The following KLF17 variants were observed in gnomAD, a reference collection of about 807,000 sequenced individuals.
The protein encoded by KLF17 is KLF transcription factor 17.
A neutral mutation model predicts 34.2 loss-of-function variants in KLF17; 31 were observed. The ratio of observed to expected loss-of-function variants is 0.91; its 90% CI spans 0.68 to 1.22. The LOEUF is 1.22. Among genes scored for constraint, KLF17 ranks in the 50% most tolerant of loss-of-function variants. The pLI is 0.00. For synonymous variants in KLF17, 179 were observed against 186.7 expected (o/e 0.96, Z 0.34); for missense variants, 478 against 505.2 (o/e 0.95, Z 0.52).
chr1:44,055,853 A>G, the KLF17 span, among the ~76,000 whole-genome samples: 1 of 152,228 alleles, frequency 6.6e-6, no homozygotes, highest in East Asian at 1.9e-4. Flanking sequence ...TTACCTGTAA[A>G]GAAGCCAAAT....
chr1:44,056,125 ATCTCTTCTGC>A, the KLF17 span, among the ~76,000 whole-genome samples: 1 of 152,216 alleles, frequency 6.6e-6, no homozygotes, highest in Non-Finnish European at 1.5e-5. Context: ...GACAGTCTCC[ATCTCTTCTGC>A]AATGCATTAG....
chr1:44,081,465 G>C, the KLF17 span, among the ~76,000 whole-genome samples: 1 of 149,554 alleles, frequency 6.7e-6, no homozygotes, highest in Admixed American at 6.7e-5. Flanking sequence ...ACCCAGGCTG[G>C]AGTCCAGTGG....
the KLF17 span, among the ~76,000 whole-genome samples, chr1:44,096,244 G>C: frequency 1.3e-5 from 2 of 151,530 alleles, no homozygotes; most frequent in African/African-American, 4.9e-5. Flanking sequence ...ACCTGGCCTT[G>C]GTGGTCTTTA....
At chr1:44,131,920 C>T (rs2088115463) in intron 3 of KLF17, among the ~76,000 whole-genome samples, 3 of 152,112 alleles carry the variant, frequency 2.0e-5, no homozygotes, top group Admixed American at 6.5e-5. Flanking sequence ...ATCTCAAACT[C>T]CTGGCTTCAA....
chr1:44,130,218 G>A (rs374542184), intron 2 of KLF17, 22 bp downstream of exon 2: 1,164 of 1,591,390 alleles, frequency 7.3e-4, no homozygotes, highest in Non-Finnish European at 9.5e-4. Context: ...GTCAGGTGGG[G>A]TGGGGATGGA....
upstream of KLF17, chr1:44,115,652 A>G (rs1334301980): frequency 6.6e-6 from 1 of 152,172 alleles, no homozygotes; most frequent in Non-Finnish European, 1.5e-5. Flanking sequence ...TTAAAATGAA[A>G]GATGAATAAA....
At chr1:44,116,340 C>T (rs2087879461), upstream of KLF17, among the ~76,000 whole-genome samples, 1 of 152,122 alleles carries the variant, frequency 6.6e-6, no homozygotes, top group South Asian at 2.1e-4. Flanking sequence ...AGCAAATGTC[C>T]CTGCTCTCAC....
At chr1:44,104,917 G>A in the KLF17 span, 1 of 156,154 alleles carries the variant, frequency 6.4e-6, no homozygotes, top group Non-Finnish European at 1.4e-5. Context: ...CAAAACCTAG[G>A]CAGCATAGCC....
chr1:44,132,371 C>G (rs2088121939), intron 3 of KLF17, among the ~76,000 whole-genome samples: 1 of 152,028 alleles, frequency 6.6e-6, no homozygotes, highest in African/African-American at 2.4e-5. Flanking sequence ...AATCAATTCC[C>G]CCTTTTCCCC....
chr1:44,127,699 T>G (rs1432847628), intron 1 of KLF17, among the ~76,000 whole-genome samples: 1 of 138,356 alleles, frequency 7.2e-6, no homozygotes, highest in Non-Finnish European at 1.5e-5. Flanking sequence ...TCTTTTTCTT[T>G]CTTTCTTTCT....
the KLF17 span, among the ~76,000 whole-genome samples, chr1:44,070,408 C>T: frequency 6.6e-6 from 1 of 152,054 alleles, no homozygotes; most frequent in Admixed American, 6.6e-5. Context: ...CACATGTACA[C>T]ATTATTTAGC....
chr1:44,050,326 A>C, the KLF17 span, among the ~76,000 whole-genome samples: 5 of 152,226 alleles, frequency 3.3e-5, no homozygotes, highest in Admixed American at 6.5e-5. Context: ...TGAAAGGGGA[A>C]GAGGCAAAAG....
the KLF17 span, among the ~76,000 whole-genome samples, chr1:44,102,066 A>T: frequency 1.5e-4 from 19 of 122,694 alleles, no homozygotes; most frequent in Non-Finnish European, 3.2e-4. Flanking sequence ...AACAAACAAA[A>T]GAGTGGAAGT....
At chr1:44,090,767 T>C in the KLF17 span, among the ~76,000 whole-genome samples, 40 of 151,962 alleles carry the variant, frequency 2.6e-4, no homozygotes, top group African/African-American at 9.2e-4. Flanking sequence ...AGGCACACTT[T>C]GAAGATTAGG....
At chr1:44,067,259 G>A in the KLF17 span, among the ~76,000 whole-genome samples, 19 of 152,092 alleles carry the variant, frequency 1.2e-4, 1 homozygote, top group Non-Finnish European at 2.5e-4. Flanking sequence ...ATTGATCAAA[G>A]TTCTTGGCTT....
chr1:44,068,407 A>G, the KLF17 span, among the ~76,000 whole-genome samples: 1 of 152,158 alleles, frequency 6.6e-6, no homozygotes, highest in Non-Finnish European at 1.5e-5. Context: ...TGAGGTGAGG[A>G]CATACCAGCC....
At chr1:44,103,819 C>T in the KLF17 span, 5 of 816,046 alleles carry the variant, frequency 6.1e-6, no homozygotes, top group African/African-American at 6.7e-5. Context: ...CACTCAGTCT[C>T]AGCCTGGAGC....
upstream of KLF17, among the ~76,000 whole-genome samples, chr1:44,116,148 G>C (rs1200675657): frequency 6.6e-6 from 1 of 152,148 alleles, no homozygotes; most frequent in African/African-American, 2.4e-5. Context: ...ACTGAAAGAG[G>C]CATCAAATGG....
chr1:44,062,547 A>T, the KLF17 span, among the ~76,000 whole-genome samples: 121 of 128,678 alleles, frequency 9.4e-4, no homozygotes, highest in African/African-American at 3.6e-3. Context: ...TTACAAAAAT[A>T]AATAAATTAA....
Sources: allele counts gnomAD v4.1 joint callset (sites outside exome capture counted in the v4.1 genomes callset), GRCh38; gene constraint gnomAD v4.1.1; transcripts MANE v1.5; gene names NCBI Gene and HGNC (gene_info 2026-07-23, HGNC 2026-07-21).